The following N4BP2 variants were observed in gnomAD, a reference collection of about 807,000 sequenced individuals.
N4BP2 encodes NEDD4-binding protein 2.
A neutral mutation model predicts 152.8 loss-of-function variants in N4BP2; 91 were observed. That is an observed-to-expected ratio of 0.60 (90% confidence interval 0.50 to 0.71). N4BP2 has a LOEUF of 0.71. N4BP2 is among the 30% of genes least tolerant of loss of function. The probability of loss-of-function intolerance (pLI) is 0.00; values close to 1 mark genes in which losing one functional copy is unlikely to be tolerated. For missense variants in N4BP2, 1,923 were observed against 2,059.1 expected, an observed-to-expected ratio of 0.93 and a Z score of 1.28; for synonymous variants, 646 against 705.3, an observed-to-expected ratio of 0.92 and a Z score of 1.33.
At chr4:40,160,836 C>T (rs79627850), downstream of N4BP2, among the ~76,000 whole-genome samples, 9,069 of 152,206 alleles carry the variant, frequency 0.06, 340 homozygotes, top group Non-Finnish European at 0.078. Context: ...TGCCTCTGCT[C>T]CTGACTCATG....
At chr4:40,149,902 GA>G (rs534686637) in intron 16 of N4BP2, among the ~76,000 whole-genome samples, 19,257 of 95,408 alleles carry the variant, frequency 0.2, 1,436 homozygotes, top group Admixed American at 0.28. Context: ...ATCTCAAAAA[GA>G]AAAAAAAAAA....
chr4:40,107,175 C>G (rs1314373226), intron 5 of N4BP2, 151 bp downstream of exon 5: 3 of 721,716 alleles, frequency 4.2e-6, no homozygotes, highest in Non-Finnish European at 6.7e-6. Context: ...TCTTGGCTCA[C>G]TGCAGCCTTG....
chr4:40,106,658 C>T (rs997594350), intron 4 of N4BP2, among the ~76,000 whole-genome samples: 16 of 152,176 alleles, frequency 1.1e-4, no homozygotes, highest in African/African-American at 3.9e-4. Context: ...TAGCAATTCT[C>T]ATGCCTCAGC....
Position 40,155,261 on chromosome 4 carries a change from G to A in N4BP2, c.*1024G>A, listed in dbSNP as rs13130198. The A allele has an allele frequency of 0.17, 26,106 of 151,882 alleles. 2,895 individuals carry two copies. The highest frequency in any genetic ancestry group is 0.26 in the Admixed American group (4,029 of 15,236). The allele number at this position is 151,882 out of a possible 1,614,324, so 9.4% of individuals were successfully genotyped here. A position where few individuals can be genotyped will look rare whatever the true frequency, so the allele number is the denominator to read the frequency against. On this transcript the variant is annotated 3_prime_UTR_variant, in exon 18 of 18. Transcript: ENST00000261435. ...ACAAAAATTAGCTGGGTGTGGTGGC[G>A]TGTGCCTGTAATCCCAGCTACTTGG...
intron 16 of N4BP2, among the ~76,000 whole-genome samples, chr4:40,151,026 G>C (rs555088061): frequency 6.6e-6 from 1 of 152,284 alleles, no homozygotes; most frequent in South Asian, 2.1e-4. Context: ...GAGTTAAACA[G>C]TCCTTTCTAA....
intron 16 of N4BP2, among the ~76,000 whole-genome samples, chr4:40,147,473 T>A (rs1187054619): frequency 1.3e-5 from 2 of 149,790 alleles, no homozygotes; most frequent in East Asian, 2.0e-4. Flanking sequence ...GGCTCCTCAC[T>A]TCCCAGAAGG....
chr4:40,146,598 C>T (rs1720539998), intron 16 of N4BP2, among the ~76,000 whole-genome samples: 1 of 152,150 alleles, frequency 6.6e-6, no homozygotes, highest in African/African-American at 2.4e-5. Flanking sequence ...TAAATGTACA[C>T]ATTGTAAAGT....
In N4BP2 at chr4:40,154,316, C is replaced by A; in HGVS notation, c.*79C>A. 1 of 850,402 alleles carries A rather than the reference C, an allele frequency of 1.2e-6. No individual in the cohort carries two copies. The highest frequency in any genetic ancestry group is 1.9e-6 in the Non-Finnish European group (1 of 539,312). The allele number at this position is 850,402 out of a possible 1,614,324, so 52.7% of individuals were successfully genotyped here. On this transcript the variant is annotated 3_prime_UTR_variant, in exon 18 of 18. Coordinates refer to ENST00000261435, the MANE Select transcript of N4BP2 (RefSeq NM_018177.6). The stretch of plus-strand genomic sequence containing the variant: ...ATTTGCAGTAATTCAGTCAATTCTA[C>A]CCTAAAGATGTGTTTTATTATAAAT...
At chr4:40,079,664 G>T (rs1000934466) in intron 2 of N4BP2, among the ~76,000 whole-genome samples, 1 of 152,116 alleles carries the variant, frequency 6.6e-6, no homozygotes, top group Non-Finnish European at 1.5e-5. Flanking sequence ...AAAATTAGCT[G>T]AGTGACATGT....
chr4:40,146,584 T>C (rs1051042915), intron 16 of N4BP2, among the ~76,000 whole-genome samples: 65 of 152,234 alleles, frequency 4.3e-4, no homozygotes, highest in East Asian at 1.2e-3. Flanking sequence ...ATGTGATGAT[T>C]TGATAAATGT....
rs546185404 is a variant in N4BP2 at position 40,128,183 on chromosome 4, G to A, written c.4527+1853G>A. 1.1e-3 allele frequency among the ~76,000 whole-genome samples: 163 copies of A among 152,172 alleles called. 1 individual carries two copies. Among genetic ancestry groups the A allele is most frequent in the Non-Finnish European group, 1.6e-3 (108 of 67,994 alleles). ...GTATTAAAGAATTCCAGGTCAAAAG[G>A]GAAAACATCTTAGAGGTTATTTAGT... On this transcript the variant is annotated intron_variant, in intron 12 of 17. Transcript: ENST00000261435.
downstream of N4BP2, among the ~76,000 whole-genome samples, chr4:40,160,578 C>G (rs1721832557): frequency 6.6e-6 from 1 of 152,182 alleles, no homozygotes; most frequent in South Asian, 2.1e-4. Context: ...GATGCATTTT[C>G]CACTTAAAAT....
intron 8 of N4BP2, among the ~76,000 whole-genome samples, chr4:40,119,454 G>A (rs534372866): frequency 6.6e-6 from 1 of 152,246 alleles, no homozygotes; most frequent in African/African-American, 2.4e-5. Flanking sequence ...TCAAATGAAA[G>A]CTCTTTTTTT....
chr4:40,077,610 C>T (rs757075778), intron 2 of N4BP2, among the ~76,000 whole-genome samples: 5 of 152,138 alleles, frequency 3.3e-5, no homozygotes, highest in East Asian at 1.9e-4. Context: ...CCGGCCACCA[C>T]ACTCGACTAA....
intron 10 of N4BP2, among the ~76,000 whole-genome samples, chr4:40,123,520 T>C (rs1718125661): frequency 6.6e-6 from 1 of 152,198 alleles, no homozygotes; most frequent in African/African-American, 2.4e-5. Context: ...AGTGTCTAGC[T>C]CTGTTGCCCT....
chr4:40,183,553 G>A, the N4BP2 span, among the ~76,000 whole-genome samples: 5 of 152,068 alleles, frequency 3.3e-5, no homozygotes, highest in Admixed American at 2.6e-4. Context: ...AGCCAGGATG[G>A]TCTCGACCTT....
At chr4:40,141,291 G>A (rs1395065838) in intron 14 of N4BP2, among the ~76,000 whole-genome samples, 1 of 151,898 alleles carries the variant, frequency 6.6e-6, no homozygotes, top group Non-Finnish European at 1.5e-5. Context: ...CTTCCTGGAC[G>A]GGGTGGCTGC....
the N4BP2 span, among the ~76,000 whole-genome samples, chr4:40,163,541 C>T: frequency 3.6e-4 from 55 of 152,322 alleles, no homozygotes; most frequent in Admixed American, 9.8e-4. Context: ...GTTTTCCTCA[C>T]GAATACAGAG....
At chr4:40,114,313 A>G (rs1397382681) in intron 7 of N4BP2, among the ~76,000 whole-genome samples, 1 of 152,026 alleles carries the variant, frequency 6.6e-6, no homozygotes, top group Non-Finnish European at 1.5e-5. Context: ...GTGTTGTGTG[A>G]TCATCACCCC....
Sources: gnomAD v4.1 joint callset for allele counts (sites outside exome capture counted in the v4.1 genomes callset) on GRCh38, gnomAD v4.1.1 for gene constraint, MANE v1.5 for transcripts, NCBI Gene and HGNC (gene_info 2026-07-23, HGNC 2026-07-21) for gene names.